Variants in ZDHHC7 observed in about 807,000 individuals in gnomAD.
ZDHHC7 encodes the protein palmitoyltransferase ZDHHC7.
Under a neutral mutation model 34.1 loss-of-function variants are expected in ZDHHC7, and 12 were observed. The observed-to-expected ratio is 0.35, with a 90% CI of 0.23 to 0.57. The LOEUF is 0.57. Among genes scored for constraint, ZDHHC7 ranks in the 20% least tolerant of loss-of-function variants. The pLI is 0.84. For missense variants in ZDHHC7, 388 were observed against 402.7 expected, an observed-to-expected ratio of 0.96 and a Z score of 0.31; for synonymous variants, 185 against 155.4, an observed-to-expected ratio of 1.19 and a Z score of -1.42.
intron 2 of ZDHHC7, among the ~76,000 whole-genome samples, chr16:84,990,987 G>C (rs866833707): frequency 2.8e-4 from 42 of 152,248 alleles, no homozygotes; most frequent in African/African-American, 9.6e-4. Flanking sequence ...TCACTGCTGC[G>C]CCTGCTCCCC....
At chr16:85,013,794 TCTC>T (rs1423980605), upstream of ZDHHC7, among the ~76,000 whole-genome samples, 3 of 152,112 alleles carry the variant, frequency 2.0e-5, no homozygotes, top group Non-Finnish European at 4.4e-5. Flanking sequence ...TTCAAGCAAT[TCTC>T]CTGCCTCAGC....
At chr16:84,982,104 G>C in intron 3 of ZDHHC7, 110 bp from the exon 4 acceptor site, 1 of 1,422,864 alleles carries the variant, frequency 7.0e-7, no homozygotes, top group Non-Finnish European at 9.6e-7. Context: ...GGCTGAGGCG[G>C]GTGGATCACG....
chr16:84,982,173 G>A (rs536245596), intron 3 of ZDHHC7, 179 bp from the exon 4 acceptor site: 172 of 629,900 alleles, frequency 2.7e-4, no homozygotes, highest in Middle Eastern at 1.6e-3. Flanking sequence ...GTGAAACCCC[G>A]TCTCTACTAA....
chr16:85,002,885 G>A (rs986436697), intron 1 of ZDHHC7, among the ~76,000 whole-genome samples: 3 of 151,610 alleles, frequency 2.0e-5, no homozygotes, highest in African/African-American at 7.3e-5. Context: ...GAGGGCCTAT[G>A]GAGACCGCAA....
chr16:85,017,455 C>G, the ZDHHC7 span, among the ~76,000 whole-genome samples: 2 of 152,166 alleles, frequency 1.3e-5, no homozygotes, highest in Non-Finnish European at 2.9e-5. Flanking sequence ...AGGAGCTGCT[C>G]AAACTGAACA....
rs370057297 is a variant in ZDHHC7 at position 85,002,265 on chromosome 16, G to C, written c.-103-6258C>G. ...ACGCTGCTCCCCACCCCTCAAGTAT[G>C]GCCGTTCACAGGGACAGTTTCTAAC... On this transcript the variant is annotated intron_variant, in intron 1 of 7. Coordinates refer to ENST00000313732, the MANE Select transcript of ZDHHC7 (RefSeq NM_017740.3). Among the ~76,000 whole-genome samples the C allele has an allele frequency of 7.9e-5, 12 of 152,042 alleles. No individual in the cohort carries two copies. In the East Asian group the frequency reaches 2.1e-3, roughly 27 times the overall value.
At chr16:84,988,092 C>T (rs369903767) in intron 3 of ZDHHC7, among the ~76,000 whole-genome samples, 118 of 152,242 alleles carry the variant, frequency 7.8e-4, no homozygotes, top group African/African-American at 2.8e-3. Flanking sequence ...ATGGCATGAA[C>T]CCCTGGGGGC....
intron 1 of ZDHHC7, among the ~76,000 whole-genome samples, chr16:84,998,021 G>A: frequency 6.6e-6 from 1 of 150,926 alleles, no homozygotes; most frequent in South Asian, 2.1e-4. Context: ...AGTACTTTGG[G>A]AGGCCGAGGC....
At chr16:85,025,015 G>A in the ZDHHC7 span, among the ~76,000 whole-genome samples, 4 of 152,136 alleles carry the variant, frequency 2.6e-5, no homozygotes, top group Non-Finnish European at 5.9e-5. Flanking sequence ...GGTGGCTCAC[G>A]CCTGTAATCC....
intron 5 of ZDHHC7, 64 bp from the exon 6 acceptor site, chr16:84,978,069 CCT>C (rs1383584609): frequency 1.5e-6 from 2 of 1,318,106 alleles, no homozygotes; most frequent in African/African-American, 3.0e-5. Context: ...ACAGAGTCTC[CCT>C]CTGTTGTCCA....
At chr16:84,978,049 T>G (rs768730431) in intron 5 of ZDHHC7, 44 bp from the exon 6 acceptor site, 2 of 1,524,222 alleles carry the variant, frequency 1.3e-6, no homozygotes, top group Non-Finnish European at 1.8e-6. Context: ...ATTTTTTATT[T>G]TTTTTAGAAA....
chr16:84,977,337 A>C (rs1425801854), intron 6 of ZDHHC7, 112 bp from the exon 7 acceptor site: 1 of 1,390,912 alleles, frequency 7.2e-7, no homozygotes, highest in Non-Finnish European at 9.8e-7. Context: ...TCCAGGGGGA[A>C]GTTGTTCACT....
At position 84,976,053 on chromosome 16, in the gene ZDHHC7, C is replaced by T; in HGVS notation, c.*290G>A. On this transcript the variant is annotated 3_prime_UTR_variant, in exon 8 of 8. Transcript: ENST00000313732. ...GCTCAGGACCCAGGATTTGAATAAC[C>T]CATGTAATAACCCGAAGTATTCTCC... The T allele has an allele frequency of 5.0e-6, 2 of 398,410 alleles. No homozygotes were observed. Among genetic ancestry groups the T allele is most frequent in the South Asian group, 5.8e-5 (2 of 34,602 alleles). The allele number at this position is 398,410 out of a possible 1,614,324, so 24.7% of individuals were successfully genotyped here. A position where few individuals can be genotyped will look rare whatever the true frequency, so the allele number is the denominator to read the frequency against.
intron 2 of ZDHHC7, among the ~76,000 whole-genome samples, chr16:84,992,003 C>G (rs1396632294): frequency 6.6e-6 from 1 of 151,814 alleles, no homozygotes; most frequent in East Asian, 1.9e-4. Context: ...TGGTGAAACC[C>G]CGTCTCTACT....
intron 2 of ZDHHC7, among the ~76,000 whole-genome samples, chr16:84,991,762 G>C (rs996504073): frequency 6.6e-6 from 1 of 152,004 alleles, no homozygotes; most frequent in Non-Finnish European, 1.5e-5. Context: ...GCCTCCCAAA[G>C]TGCTGGGATT....
At chr16:85,012,155 G>A (rs1234690493), upstream of ZDHHC7, among the ~76,000 whole-genome samples, 1 of 152,150 alleles carries the variant, frequency 6.6e-6, no homozygotes, top group African/African-American at 2.4e-5. Flanking sequence ...GCCAAGGCAG[G>A]CTGATCACTT....
chr16:84,977,028 T>G (rs1486956367), intron 7 of ZDHHC7, 67 bp downstream of exon 7: 30 of 1,593,816 alleles, frequency 1.9e-5, no homozygotes, highest in Non-Finnish European at 2.5e-5. Flanking sequence ...ATTGTTGACA[T>G]TAGGACTTTT....
chr16:84,986,482 G>T (rs541080136), intron 3 of ZDHHC7, among the ~76,000 whole-genome samples: 2 of 152,202 alleles, frequency 1.3e-5, no homozygotes, highest in South Asian at 4.1e-4. Context: ...GAGAAGGCTC[G>T]TAGGCATCCA....
At chr16:85,020,583 G>A in the ZDHHC7 span, among the ~76,000 whole-genome samples, 1 of 152,146 alleles carries the variant, frequency 6.6e-6, no homozygotes, top group Non-Finnish European at 1.5e-5. Flanking sequence ...AAGGAAGTGG[G>A]TTCTGGGCAA....
Sources: allele counts gnomAD v4.1 joint callset (sites outside exome capture counted in the v4.1 genomes callset), GRCh38; gene constraint gnomAD v4.1.1; transcripts MANE v1.5; gene names NCBI Gene and HGNC (gene_info 2026-07-23, HGNC 2026-07-21).